SP2: variants seen among roughly 807,000 people sequenced by gnomAD.
The protein encoded by SP2 is Sp2 transcription factor, also known as transcription factor Sp2.
A neutral mutation model predicts 50.1 loss-of-function variants in SP2; 9 were observed. That is an observed-to-expected ratio of 0.18 (90% CI 0.11 to 0.31). The LOEUF is 0.31. Ranked by LOEUF, SP2 falls within the 10% of genes least tolerant of loss-of-function variation. The pLI is 1.00. For synonymous variants in SP2, 313 were observed against 326.6 expected (o/e 0.96, Z 0.45); for missense variants, 581 against 806.5 (o/e 0.72, Z 3.39).
intron 4 of SP2, among the ~76,000 whole-genome samples, chr17:47,923,509 A>G (rs1404038748): frequency 6.6e-6 from 1 of 152,258 alleles, no homozygotes; most frequent in Non-Finnish European, 1.5e-5. Flanking sequence ...GTACTCGGAA[A>G]ACTTTCCAAC....
At chr17:47,922,206 A>G (rs1461778631) in intron 3 of SP2, among the ~76,000 whole-genome samples, 1 of 152,070 alleles carries the variant, frequency 6.6e-6, no homozygotes, top group Non-Finnish European at 1.5e-5. Context: ...GCTCTCCCAT[A>G]GAGACACCCT....
chr17:47,924,622 A>T (rs981778612), intron 4 of SP2, among the ~76,000 whole-genome samples: 1 of 152,212 alleles, frequency 6.6e-6, no homozygotes, highest in African/African-American at 2.4e-5. Context: ...ACTGACTTTG[A>T]AATGGGCTTC....
At chr17:47,910,721 C>T (rs2034948605) in intron 1 of SP2, among the ~76,000 whole-genome samples, 1 of 152,164 alleles carries the variant, frequency 6.6e-6, no homozygotes, top group Admixed American at 6.5e-5. Flanking sequence ...CATCCTGTAG[C>T]GTGTCAGTCA....
At position 47,916,054 on chromosome 17, in the gene SP2, A is replaced by G; in HGVS notation, c.85-102A>G. 1 of 1,390,862 alleles carries G rather than the reference A, an allele frequency of 7.2e-7. No individual in the cohort carries two copies. The allele number at this position is 1,390,862 out of a possible 1,614,324, so 86.2% of individuals were successfully genotyped here. A position where few individuals can be genotyped will look rare whatever the true frequency, so the allele number is the denominator to read the frequency against. Reference sequence around the variant, plus strand: ...CAACATGCCTGCCCCGGAGGTGGGGAAGACTGGCGTGGAATGCCGCCAGGA... The same window carrying G: ...CAACATGCCTGCCCCGGAGGTGGGGGAGACTGGCGTGGAATGCCGCCAGGA... On this transcript the variant is annotated intron_variant, in intron 2 of 6. Coordinates refer to ENST00000376741, the MANE Select transcript of SP2 (RefSeq NM_003110.6). The surrounding 1 kb of genome is among the most constrained non-coding windows in gnomAD (Gnocchi z 4.7).
chr17:47,917,152 C>T (rs777741054), intron 3 of SP2, 22 bp downstream of exon 3: 2 of 1,559,954 alleles, frequency 1.3e-6, no homozygotes, highest in Admixed American at 1.9e-5. Context: ...CCTGTACTGT[C>T]CTCCTTCTCC....
chr17:47,926,740 A>G (rs2035664091), intron 6 of SP2, among the ~76,000 whole-genome samples: 1 of 151,960 alleles, frequency 6.6e-6, no homozygotes, highest in Non-Finnish European at 1.5e-5. Flanking sequence ...CCAGGGCAAT[A>G]TAGCGGGAGC....
intron 1 of SP2, among the ~76,000 whole-genome samples, chr17:47,896,591 C>T (rs931642996): frequency 3.9e-5 from 6 of 152,178 alleles, no homozygotes; most frequent in South Asian, 4.1e-4. Flanking sequence ...ACCGGGGTGG[C>T]CTGGCACCCC....
At chr17:47,898,427 A>G (rs2143745498) in intron 1 of SP2, 1 of 152,346 alleles carries the variant, frequency 6.6e-6, no homozygotes, top group South Asian at 2.1e-4. Flanking sequence ...GCAGATCCCA[A>G]GTACTGTCAG....
intron 1 of SP2, among the ~76,000 whole-genome samples, chr17:47,905,023 C>T (rs965882967): frequency 3.3e-5 from 5 of 152,196 alleles, no homozygotes; most frequent in East Asian, 3.8e-4. Flanking sequence ...CCTCCTGTCT[C>T]GGCCTCCCAA....
At chr17:47,909,754 C>G (rs1215704636) in intron 1 of SP2, 1 of 889,894 alleles carries the variant, frequency 1.1e-6, no homozygotes, top group Admixed American at 6.2e-5. Flanking sequence ...TGTTCTTAAA[C>G]ATTGTACCTA....
chr17:47,896,898 C>T, intron 1 of SP2, among the ~76,000 whole-genome samples: 1 of 152,166 alleles, frequency 6.6e-6, no homozygotes. Context: ...GAGAGCACTC[C>T]CTGGGCAGAT....
At chr17:47,909,052 C>G (rs2034877092) in intron 1 of SP2, among the ~76,000 whole-genome samples, 1 of 152,168 alleles carries the variant, frequency 6.6e-6, no homozygotes, top group African/African-American at 2.4e-5. Context: ...AATGTCCACA[C>G]AGGAGTCTTG....
intron 1 of SP2, 54 bp from the exon 2 acceptor site, chr17:47,915,258 C>G: frequency 8.0e-7 from 1 of 1,251,344 alleles, no homozygotes; most frequent in Non-Finnish European, 1.1e-6. Flanking sequence ...GGCAAGTGGG[C>G]TTGCGTTCTT....
chr17:47,924,838 G>A, intron 4 of SP2, 81 bp from the exon 5 acceptor site: 1 of 1,297,958 alleles, frequency 7.7e-7, no homozygotes, highest in African/African-American at 1.5e-5. Context: ...TATCATCTTT[G>A]TCATGTGCAG....
chr17:47,906,817 T>G (rs1461261848), intron 1 of SP2, among the ~76,000 whole-genome samples: 2 of 151,994 alleles, frequency 1.3e-5, no homozygotes, highest in African/African-American at 4.8e-5. Context: ...GATGTACAGG[T>G]CTAACACGTG....
intron 1 of SP2, 92 bp downstream of exon 1, chr17:47,896,385 G>A: frequency 2.7e-6 from 3 of 1,112,556 alleles, no homozygotes; most frequent in Non-Finnish European, 3.4e-6. Flanking sequence ...CGAGGCCGGG[G>A]GTTCCCCCCT....
chr17:47,900,463 C>T (rs1269070724), intron 1 of SP2: 1 of 152,236 alleles, frequency 6.6e-6, no homozygotes, highest in Non-Finnish European at 1.5e-5. Flanking sequence ...GAAATGAAAT[C>T]ACCACTCATT....
chr17:47,921,662 G>A (rs981500107), intron 3 of SP2, among the ~76,000 whole-genome samples: 2 of 152,182 alleles, frequency 1.3e-5, no homozygotes, highest in African/African-American at 4.8e-5. Flanking sequence ...ATCTTTTCAA[G>A]TCCCCACCAT....
chr17:47,896,432 G>A, intron 1 of SP2, 139 bp downstream of exon 1: 1 of 642,686 alleles, frequency 1.6e-6, no homozygotes, highest in Non-Finnish European at 2.2e-6. Context: ...GCTTCAGGAG[G>A]GGCGGGGGAG....
Sources: gnomAD v4.1 joint callset for allele counts (sites outside exome capture counted in the v4.1 genomes callset) on GRCh38, gnomAD v4.1.1 for gene constraint, Gnocchi (gnomAD v3.1) non-coding constraint, MANE v1.5 for transcripts, NCBI Gene and HGNC (gene_info 2026-07-23, HGNC 2026-07-21) for gene names.